The following ZNF385D variants were observed in gnomAD, a reference collection of about 807,000 sequenced individuals.
ZNF385D encodes zinc finger protein 385D, also known as zinc finger protein 659.
ZNF385D carries 15 observed loss-of-function variants against 35.8 expected under a neutral mutation model. The ratio of observed to expected loss-of-function variants is 0.42; its 90% CI spans 0.28 to 0.64. ZNF385D has a LOEUF of 0.64. Among genes scored for constraint, ZNF385D ranks in the 30% least tolerant of loss-of-function variants. ZNF385D has a pLI of 0.23. For synonymous variants in ZNF385D, 212 were observed against 186.8 expected, an observed-to-expected ratio of 1.13 and a Z score of -1.10; for missense variants, 474 against 494.6, an observed-to-expected ratio of 0.96 and a Z score of 0.39.
intron 3 of ZNF385D, among the ~76,000 whole-genome samples, chr3:21,895,823 G>A (rs2125889400): frequency 6.6e-6 from 1 of 152,222 alleles, no homozygotes; most frequent in African/African-American, 2.4e-5. Context: ...AAATATGCAG[G>A]CAGTCAAGGG....
chr3:21,653,840 T>C (rs1203045044), intron 2 of ZNF385D, among the ~76,000 whole-genome samples: 1 of 152,078 alleles, frequency 6.6e-6, no homozygotes, highest in East Asian at 1.9e-4. Context: ...ATTCTATATA[T>C]GTTAGAAAGT....
intron 1 of ZNF385D, among the ~76,000 whole-genome samples, chr3:21,693,213 G>A (rs756142840): frequency 6.6e-6 from 1 of 152,210 alleles, no homozygotes; most frequent in East Asian, 1.9e-4. Context: ...AACATCCTAC[G>A]GTGACACTCA....
At chr3:21,753,890 A>G (rs112768490), upstream of ZNF385D, among the ~76,000 whole-genome samples, 39 of 152,174 alleles carry the variant, frequency 2.6e-4, no homozygotes, top group Non-Finnish European at 4.6e-4. Flanking sequence ...CTGTTTCTAT[A>G]GAGTTTGACC....
chr3:21,580,333 G>T (rs1248454986), intron 2 of ZNF385D, among the ~76,000 whole-genome samples: 2 of 152,272 alleles, frequency 1.3e-5, no homozygotes, highest in African/African-American at 4.8e-5. Flanking sequence ...CTTGAAATAA[G>T]TAGTGTACCA....
chr3:21,841,995 T>A lies in ZNF385D; in HGVS notation c.326-176967A>T, dbSNP rs1231946483. ...AATTGAATCTATATAATTGAAAATG[T>A]ATTTGTATAATATATAAAATGGAAT... On this transcript the variant is annotated intron_variant, in intron 3 of 5. Coordinates refer to the ZNF385D transcript ENST00000494108. Among the ~76,000 whole-genome samples the A allele has an allele frequency of 2.0e-5, 3 of 151,808 alleles. No individual in the cohort carries two copies. The East Asian group carries it at 5.8e-4, about 29-fold the overall frequency.
At chr3:21,927,909 A>G (rs1212077561) in intron 3 of ZNF385D, among the ~76,000 whole-genome samples, 1 of 152,118 alleles carries the variant, frequency 6.6e-6, no homozygotes, top group Non-Finnish European at 1.5e-5. Flanking sequence ...TAGACAGAAA[A>G]TCAGTAAGGA....
At chr3:21,673,712 C>T (rs1171247784) in intron 1 of ZNF385D, among the ~76,000 whole-genome samples, 1 of 152,056 alleles carries the variant, frequency 6.6e-6, no homozygotes, top group Non-Finnish European at 1.5e-5. Context: ...ATTAAGTAAA[C>T]ACTAATGAAT....
intron 2 of ZNF385D, among the ~76,000 whole-genome samples, chr3:21,634,051 G>A (rs1435473117): frequency 6.6e-6 from 1 of 151,868 alleles, no homozygotes; most frequent in African/African-American, 2.4e-5. Context: ...ACAAAAAATA[G>A]CTAAGCATGA....
At chr3:21,823,790 T>C (rs1575723148) in intron 3 of ZNF385D, among the ~76,000 whole-genome samples, 1 of 152,210 alleles carries the variant, frequency 6.6e-6, no homozygotes, top group Non-Finnish European at 1.5e-5. Context: ...AAGCAGATTG[T>C]GCCGCATTGT....
At chr3:22,028,647 C>A (rs1055524245) in intron 3 of ZNF385D, among the ~76,000 whole-genome samples, 2 of 152,176 alleles carry the variant, frequency 1.3e-5, no homozygotes, top group African/African-American at 2.4e-5. Flanking sequence ...GCCAAGACTA[C>A]CATCTGTGGA....
At chr3:22,282,741 G>A (rs1701828903) in intron 2 of ZNF385D, among the ~76,000 whole-genome samples, 1 of 151,266 alleles carries the variant, frequency 6.6e-6, no homozygotes, top group South Asian at 2.1e-4. Context: ...CTCCTTAAAG[G>A]GTAAATCTCA....
intron 2 of ZNF385D, among the ~76,000 whole-genome samples, chr3:22,265,696 A>G (rs1700864104): frequency 6.6e-6 from 1 of 151,946 alleles, no homozygotes; most frequent in South Asian, 2.1e-4. Context: ...ATCAGAAAAG[A>G]CTGGCTTGAA....
intron 3 of ZNF385D, among the ~76,000 whole-genome samples, chr3:22,108,047 G>A (rs1386730118): frequency 2.0e-5 from 3 of 151,552 alleles, no homozygotes. Context: ...CTTACTAGAT[G>A]TCAGTGTATT....
At chr3:21,578,661 C>CTAAG (rs1327191110) in intron 2 of ZNF385D, among the ~76,000 whole-genome samples, 1 of 152,072 alleles carries the variant, frequency 6.6e-6, no homozygotes, top group East Asian at 1.9e-4. Context: ...GTGTTTATTT[C>CTAAG]TAAGTTCTCT....
intron 1 of ZNF385D, among the ~76,000 whole-genome samples, chr3:21,739,449 C>T (rs377725679): frequency 1.3e-5 from 2 of 152,126 alleles, no homozygotes; most frequent in African/African-American, 2.4e-5. Flanking sequence ...CAGTCATTAG[C>T]TGCAGCCGCC....
intron 2 of ZNF385D, among the ~76,000 whole-genome samples, chr3:22,201,705 C>T (rs1237954516): frequency 2.6e-5 from 4 of 151,912 alleles, no homozygotes; most frequent in Non-Finnish European, 4.4e-5. Flanking sequence ...CAAATGACCA[C>T]ATATTTGTAA....
At chr3:22,265,787 G>T (rs1246400920) in intron 2 of ZNF385D, among the ~76,000 whole-genome samples, 1 of 151,924 alleles carries the variant, frequency 6.6e-6, no homozygotes, top group Non-Finnish European at 1.5e-5. Flanking sequence ...TCCACAAAGT[G>T]TTTTAACATT....
chr3:21,930,094 T>A (rs1700925994), intron 3 of ZNF385D, among the ~76,000 whole-genome samples: 2 of 152,052 alleles, frequency 1.3e-5, no homozygotes, highest in African/African-American at 4.8e-5. Flanking sequence ...TAAGGGCATA[T>A]GTGCAGATCA....
At chr3:21,964,470 A>ATTTTTTTTTTT (rs377650103) in intron 3 of ZNF385D, among the ~76,000 whole-genome samples, 3 of 68,146 alleles carry the variant, frequency 4.4e-5, no homozygotes, top group Non-Finnish European at 7.5e-5. Flanking sequence ...AATTTCTCAG[A>ATTTTTTTTTTT]TTTTTTTTTT....
Sources: allele counts gnomAD v4.1 joint callset (sites outside exome capture counted in the v4.1 genomes callset), GRCh38; gene constraint gnomAD v4.1.1; transcripts MANE v1.5; gene names NCBI Gene and HGNC (gene_info 2026-07-23, HGNC 2026-07-21).